PAM: variants seen among roughly 807,000 people sequenced by gnomAD.
PAM encodes the protein peptidylglycine alpha-amidating monooxygenase, also known as peptidyl-glycine alpha-amidating monooxygenase.
In PAM, 72 loss-of-function variants were observed where a neutral mutation model predicts 122.1. The observed-to-expected ratio is 0.59, with a 90% CI of 0.49 to 0.72. The LOEUF is 0.72. Among genes scored for constraint, PAM ranks in the 30% least tolerant of loss-of-function variants. The pLI, the probability that PAM is intolerant of heterozygous loss-of-function variation, is 0.00. For synonymous variants in PAM, 389 were observed against 404.4 expected (o/e 0.96, Z 0.46); for missense variants, 1,106 against 1,183.7 (o/e 0.93, Z 0.96).
At chr5:102,921,631 C>T (rs1747492983) in intron 5 of PAM, among the ~76,000 whole-genome samples, 1 of 152,070 alleles carries the variant, frequency 6.6e-6, no homozygotes, top group Non-Finnish European at 1.5e-5. Context: ...CTTGGAAGCT[C>T]TTATTTACCA....
intron 16 of PAM, among the ~76,000 whole-genome samples, chr5:102,995,550 A>G (rs1775462797): frequency 6.6e-6 from 1 of 151,948 alleles, no homozygotes; most frequent in South Asian, 2.1e-4. Context: ...GAACTCCCTG[A>G]TTCTCAGTTG....
In PAM at chr5:102,766,926, A is replaced by ATTTTTTTTTTTTTTTTTTTTTT; in HGVS notation, c.-374+11588_-374+11609dup. ...ATTTATTTTATTGCTTCAGTTGTGG[A>ATTTTTTTTTTTTTTTTTTTTTT]TTTTTTTTTTTTTTTTTTTTTTTTT... On this transcript the variant is annotated intron_variant, in intron 1 of 25. Transcript: ENST00000438793. Among the ~76,000 whole-genome samples, 124 of 25,856 alleles carry ATTTTTTTTTTTTTTTTTTTTTT rather than the reference A, an allele frequency of 4.8e-3. 48 individuals are homozygous for ATTTTTTTTTTTTTTTTTTTTTT. Among genetic ancestry groups the ATTTTTTTTTTTTTTTTTTTTTT allele is most frequent in the East Asian group, 8.5e-3 (6 of 702 alleles). The allele number at this position is 25,856 out of a possible 152,430, so 17.0% of individuals were successfully genotyped here.
At chr5:102,853,976 T>C (rs924745642) in intron 1 of PAM, among the ~76,000 whole-genome samples, 63 of 152,344 alleles carry the variant, frequency 4.1e-4, no homozygotes, top group African/African-American at 1.5e-3. Context: ...CTTTATGTAT[T>C]TTGCTAATAA....
At chr5:102,827,411 T>G (rs2150382096) in intron 1 of PAM, among the ~76,000 whole-genome samples, 1 of 145,290 alleles carries the variant, frequency 6.9e-6, no homozygotes, top group East Asian at 2.0e-4. Context: ...GCCACTATGA[T>G]CCTAGGAAAA....
chr5:102,967,045 G>A (rs905237648), intron 14 of PAM, among the ~76,000 whole-genome samples: 1 of 151,628 alleles, frequency 6.6e-6, no homozygotes, highest in Non-Finnish European at 1.5e-5. Context: ...AACCTTCATA[G>A]GACCATTTTT....
intron 1 of PAM, among the ~76,000 whole-genome samples, chr5:102,766,704 T>G (rs1754050961): frequency 6.6e-6 from 1 of 152,174 alleles, no homozygotes; most frequent in Non-Finnish European, 1.5e-5. Context: ...ATAACTTATT[T>G]TAGAATTCAA....
At chr5:103,024,210 T>C (rs914703567) in intron 23 of PAM, among the ~76,000 whole-genome samples, 10 of 152,278 alleles carry the variant, frequency 6.6e-5, no homozygotes, top group African/African-American at 1.9e-4. Context: ...AGAGTTTCTA[T>C]ACAAATACAC....
chr5:103,012,187 C>T (rs1780818238), intron 21 of PAM, among the ~76,000 whole-genome samples: 1 of 152,086 alleles, frequency 6.6e-6, no homozygotes, highest in Non-Finnish European at 1.5e-5. Context: ...GGGTAGTTTG[C>T]AATTTTTTTT....
intron 3 of PAM, among the ~76,000 whole-genome samples, chr5:102,899,911 C>A (rs1797205602): frequency 1.3e-5 from 2 of 151,542 alleles, no homozygotes; most frequent in Non-Finnish European, 3.0e-5. Context: ...GGAGGAGAAG[C>A]AAACTTATTG....
chr5:102,827,507 C>T (rs1366407995), intron 1 of PAM, among the ~76,000 whole-genome samples: 1 of 152,020 alleles, frequency 6.6e-6, no homozygotes, highest in Non-Finnish European at 1.5e-5. Flanking sequence ...CCTCATAATA[C>T]AAATGATTAT....
intron 13 of PAM, 149 bp downstream of exon 13, chr5:102,960,208 C>T: frequency 3.7e-6 from 2 of 537,038 alleles, no homozygotes; most frequent in South Asian, 3.0e-5. Context: ...TCATTTTTCT[C>T]TTTCATATCC....
At chr5:103,022,455 C>T (rs190965358) in intron 23 of PAM, among the ~76,000 whole-genome samples, 321 of 152,160 alleles carry the variant, frequency 2.1e-3, no homozygotes, top group Non-Finnish European at 3.1e-3. Context: ...TTTGTACATA[C>T]ATGTATATGT....
chr5:102,831,883 TC>T (rs1363411309), intron 1 of PAM, among the ~76,000 whole-genome samples: 2 of 152,064 alleles, frequency 1.3e-5, no homozygotes, highest in African/African-American at 4.8e-5. Flanking sequence ...TCTCTCTCTC[TC>T]TCTCTCTCTC....
At chr5:102,849,555 CAAAAAA>C (rs538988180) in intron 1 of PAM, among the ~76,000 whole-genome samples, 1 of 73,502 alleles carries the variant, frequency 1.4e-5, no homozygotes. Flanking sequence ...AAGACTGTCT[CAAAAAA>C]AAAAAAAAAA....
chr5:102,809,167 G>A (rs1378190054), intron 1 of PAM, among the ~76,000 whole-genome samples: 1 of 151,978 alleles, frequency 6.6e-6, no homozygotes, highest in Non-Finnish European at 1.5e-5. Context: ...AGTTAGTCTT[G>A]CATTTATTTC....
chr5:102,806,945 CA>C (rs1656675307), intron 1 of PAM, among the ~76,000 whole-genome samples: 1 of 152,134 alleles, frequency 6.6e-6, no homozygotes, highest in African/African-American at 2.4e-5. Flanking sequence ...ACTATTTACT[CA>C]CAAGGGAAAC....
chr5:102,757,552 T>C, intron 1 of PAM, among the ~76,000 whole-genome samples: 1 of 152,244 alleles, frequency 6.6e-6, no homozygotes, highest in Non-Finnish European at 1.5e-5. Flanking sequence ...TTAAAAGCTA[T>C]AGAAATTTTA....
At chr5:102,888,787 G>T (rs1793924523) in intron 3 of PAM, among the ~76,000 whole-genome samples, 1 of 151,556 alleles carries the variant, frequency 6.6e-6, no homozygotes, top group African/African-American at 2.4e-5. Context: ...ACCTCCTTTT[G>T]TTTCCTTTTT....
chr5:102,975,491 C>G (rs914935428), intron 15 of PAM, among the ~76,000 whole-genome samples: 1 of 152,162 alleles, frequency 6.6e-6, no homozygotes, highest in African/African-American at 2.4e-5. Flanking sequence ...TAAACAGGAT[C>G]AGCCCTGCTC....
Sources: gnomAD v4.1 joint callset for allele counts (sites outside exome capture counted in the v4.1 genomes callset) on GRCh38, gnomAD v4.1.1 for gene constraint, MANE v1.5 for transcripts, NCBI Gene and HGNC (gene_info 2026-07-23, HGNC 2026-07-21) for gene names.